PTTG1IP2: variants seen among roughly 807,000 people sequenced by gnomAD.
PTTG1IP2 encodes the protein PTTG1IP family member 2.
intron 2 of PTTG1IP2, among the ~76,000 whole-genome samples, chr7:90,486,054 C>T (rs1032209546): frequency 3.9e-5 from 6 of 152,122 alleles, no homozygotes; most frequent in African/African-American, 4.8e-5. Flanking sequence ...TAATCTTGTC[C>T]AGTGTGAAAC....
intron 1 of PTTG1IP2, among the ~76,000 whole-genome samples, chr7:90,472,661 G>A (rs1212983484): frequency 2.6e-5 from 4 of 152,132 alleles, no homozygotes; most frequent in Non-Finnish European, 5.9e-5. Flanking sequence ...AGCCTAGGGG[G>A]TACTGTTATC....
chr7:90,493,447 CA>C (rs1797961717), intron 5 of PTTG1IP2, among the ~76,000 whole-genome samples: 1 of 152,144 alleles, frequency 6.6e-6, no homozygotes, highest in Non-Finnish European at 1.5e-5. Context: ...GAAATCAAAC[CA>C]GGGGGCTGCA....
chr7:90,497,745 G>A (rs17866247), intron 6 of PTTG1IP2, among the ~76,000 whole-genome samples: 1,926 of 74,172 alleles, frequency 0.026, 2 homozygotes, highest in East Asian at 0.13. Context: ...AAAAAAAAAA[G>A]AAGAAGAAGA....
chr7:90,494,937 G>C (rs11764297), intron 6 of PTTG1IP2, among the ~76,000 whole-genome samples: 4,329 of 152,260 alleles, frequency 0.028, 102 homozygotes, highest in Non-Finnish European at 0.037. Context: ...TTGAGCTCAA[G>C]AGTTGGAGGC....
intron 6 of PTTG1IP2, among the ~76,000 whole-genome samples, chr7:90,503,998 A>C (rs1798094398): frequency 6.6e-6 from 1 of 152,084 alleles, no homozygotes; most frequent in Non-Finnish European, 1.5e-5. Context: ...ATAATTGAAA[A>C]ATGGGATGGT....
rs74611581 is a variant in PTTG1IP2 at position 90,470,630 on chromosome 7, C to G, written c.145+699C>G. Among the ~76,000 whole-genome samples the G allele has an allele frequency of 5.0e-4, 76 of 152,298 alleles. 3 individuals carry two copies. In the East Asian group the frequency reaches 0.013, roughly 27 times the overall value. ...TCTGTAAGCAAATCAGTCTTCCTTACTAAAACCAAATCCACAGTTCTCAGC... is the reference window on the plus strand; with the variant it reads ...TCTGTAAGCAAATCAGTCTTCCTTAGTAAAACCAAATCCACAGTTCTCAGC... On this transcript the variant is annotated intron_variant, in intron 1 of 6. Coordinates refer to ENST00000509356, the MANE Select transcript of PTTG1IP2 (RefSeq NM_001365443.2).
chr7:90,485,174 CA>C (rs1220266419), intron 2 of PTTG1IP2, among the ~76,000 whole-genome samples: 1 of 152,142 alleles, frequency 6.6e-6, no homozygotes, highest in Non-Finnish European at 1.5e-5. Context: ...AATGGGGACA[CA>C]AAGTAGCAGA....
At chr7:90,507,176 A>G (rs1403959932) in intron 6 of PTTG1IP2, among the ~76,000 whole-genome samples, 3 of 152,244 alleles carry the variant, frequency 2.0e-5, no homozygotes, top group Non-Finnish European at 2.9e-5. Context: ...ATCAAAATAC[A>G]GTGTAGGGAT....
At chr7:90,496,645 T>C (rs1174988954) in intron 6 of PTTG1IP2, among the ~76,000 whole-genome samples, 1 of 152,272 alleles carries the variant, frequency 6.6e-6, no homozygotes, top group East Asian at 1.9e-4. Context: ...TATAATAGTA[T>C]AACTTTCAGT....
At chr7:90,481,656 A>G (rs1374200348) in intron 2 of PTTG1IP2, among the ~76,000 whole-genome samples, 1 of 152,134 alleles carries the variant, frequency 6.6e-6, no homozygotes, top group Non-Finnish European at 1.5e-5. Context: ...CTCCTTTTAG[A>G]GGAAGAATAC....
intron 6 of PTTG1IP2, among the ~76,000 whole-genome samples, chr7:90,504,807 T>G (rs1798106570): frequency 6.6e-6 from 1 of 152,236 alleles, no homozygotes; most frequent in Non-Finnish European, 1.5e-5. Flanking sequence ...CCATCACTTT[T>G]GTCTCATGGC....
chr7:90,470,975 A>G (rs1286723656), intron 1 of PTTG1IP2, among the ~76,000 whole-genome samples: 4 of 151,804 alleles, frequency 2.6e-5, no homozygotes, highest in East Asian at 1.9e-4. Flanking sequence ...AAAAAAAAAA[A>G]AAAAAGAAAA....
At chr7:90,498,447 AC>A (rs1798022701) in intron 6 of PTTG1IP2, among the ~76,000 whole-genome samples, 1 of 152,348 alleles carries the variant, frequency 6.6e-6, no homozygotes, top group African/African-American at 2.4e-5. Flanking sequence ...TTAAGGACAC[AC>A]ATAAACTGAG....
chr7:90,483,645 A>G (rs1451469469), intron 2 of PTTG1IP2, among the ~76,000 whole-genome samples: 1 of 152,148 alleles, frequency 6.6e-6, no homozygotes, highest in Non-Finnish European at 1.5e-5. Context: ...ATCCTTAGCA[A>G]CCTGATTTAG....
chr7:90,504,281 A>T (rs1798098972), intron 6 of PTTG1IP2, among the ~76,000 whole-genome samples: 1 of 151,756 alleles, frequency 6.6e-6, no homozygotes. Flanking sequence ...ACGCCACTGC[A>T]CTCCAGCCCG....
chr7:90,506,070 A>C (rs1798121705), intron 6 of PTTG1IP2, among the ~76,000 whole-genome samples: 1 of 151,480 alleles, frequency 6.6e-6, no homozygotes, highest in Non-Finnish European at 1.5e-5. Flanking sequence ...CCTTCATTTA[A>C]ATGGTAATTA....
rs1003224914 is a variant in PTTG1IP2 at position 90,492,252 on chromosome 7, C to A, written c.394C>A (p.Arg132Ser). ...HFYLQDLNRN[R>S]VYFYGRRETV... ...ATTCACCATCAGTTTGAACAGAAAT[C>A]GTGTCTATTTTTATGGAAGACGAGA... Residue 132 changes from arginine (R) to serine (S), a missense_variant, in exon 5 of 7, where the codon CGT becomes AGT. Transcript: ENST00000509356. 6.6e-6 allele frequency: 1 copy of A among 152,182 alleles called. No individual in the cohort carries two copies. The highest frequency in any genetic ancestry group is 1.5e-5 in the Non-Finnish European group (1 of 68,040). The allele number at this position is 152,182 out of a possible 1,614,324, so 9.4% of individuals were successfully genotyped here. A position where few individuals can be genotyped will look rare whatever the true frequency, so the allele number is the denominator to read the frequency against.
rs1797843453 is a variant in PTTG1IP2 at position 90,484,213 on chromosome 7, T to C, written c.193-3114T>C. 2.6e-5 allele frequency among the ~76,000 whole-genome samples: 4 copies of C among 152,010 alleles called. No individual in the cohort carries two copies. In the South Asian group the frequency reaches 6.2e-4, roughly 24 times the overall value. ...CGAATCTGCTCTCCATTCTTTTCTT[T>C]CACCTGGAAAAATCCTGGATTTTCT... On this transcript the variant is annotated intron_variant, in intron 2 of 6. Transcript: ENST00000509356.
chr7:90,492,083 A>G lies in PTTG1IP2; in HGVS notation c.381-156A>G, dbSNP rs191656607. ...GAGGTGGAGGTTGCAGTGAGCTGTG[A>G]TCGTGCCACTGCACTCCAACGTGGG... On this transcript the variant is annotated intron_variant, in intron 4 of 6. Transcript: ENST00000509356. Among the ~76,000 whole-genome samples the G allele has an allele frequency of 2.6e-5, 4 of 152,288 alleles. No individual in the cohort carries two copies. In the East Asian group the frequency reaches 7.7e-4, roughly 29 times the overall value.
Sources: allele counts gnomAD v4.1 joint callset (sites outside exome capture counted in the v4.1 genomes callset), GRCh38; gene constraint gnomAD v4.1.1; transcripts MANE v1.5; gene names NCBI Gene and HGNC (gene_info 2026-07-23, HGNC 2026-07-21).